The following MSH4 variants were observed in gnomAD, a reference collection of about 807,000 sequenced individuals.
The protein encoded by MSH4 is mutS homolog 4, also known as mutS protein homolog 4.
In MSH4, 106 loss-of-function variants were observed where a neutral mutation model predicts 113.7. That is an observed-to-expected ratio of 0.93 (90% CI 0.80 to 1.10). The LOEUF (loss-of-function observed/expected upper bound fraction) is 1.10, where lower values mean the gene tolerates loss of function less well. Ranked by LOEUF, MSH4 falls within the 50% of genes least tolerant of loss-of-function variation. MSH4 has a pLI of 0.00. For synonymous variants in MSH4, 368 were observed against 380.2 expected, an observed-to-expected ratio of 0.97 and a Z score of 0.37; for missense variants, 1,061 against 1,093.7, an observed-to-expected ratio of 0.97 and a Z score of 0.42.
intron 8 of MSH4, among the ~76,000 whole-genome samples, chr1:75,857,182 A>G (rs2100553021): frequency 6.6e-6 from 1 of 152,084 alleles, no homozygotes; most frequent in East Asian, 1.9e-4. Context: ...TAGATTCTGG[A>G]TGTTAGCCTT....
intron 17 of MSH4, among the ~76,000 whole-genome samples, chr1:75,897,356 C>T (rs562147180): frequency 2.6e-5 from 4 of 152,206 alleles, no homozygotes; most frequent in Admixed American, 2.6e-4. Flanking sequence ...AATCAGTGTT[C>T]TCAATCTTTC....
intron 8 of MSH4, among the ~76,000 whole-genome samples, chr1:75,852,706 T>C (rs987114524): frequency 6.6e-6 from 1 of 152,188 alleles, no homozygotes; most frequent in African/African-American, 2.4e-5. Flanking sequence ...CCATTTTAAA[T>C]TGGGTTGTTT....
intron 8 of MSH4, among the ~76,000 whole-genome samples, chr1:75,849,360 A>C (rs1199230786): frequency 6.6e-6 from 1 of 152,184 alleles, no homozygotes; most frequent in East Asian, 1.9e-4. Context: ...TCCATTTAAG[A>C]TGAACTGAAG....
chr1:75,840,878 A>G (rs1650945021), intron 7 of MSH4, among the ~76,000 whole-genome samples: 1 of 152,176 alleles, frequency 6.6e-6, no homozygotes, highest in South Asian at 2.1e-4. Flanking sequence ...GATACATGCA[A>G]TAACAATTGA....
chr1:75,864,618 A>C (rs1651523915), intron 8 of MSH4, among the ~76,000 whole-genome samples: 1 of 152,096 alleles, frequency 6.6e-6, no homozygotes, highest in Non-Finnish European at 1.5e-5. Context: ...ATGTATATTG[A>C]CCATTTGAAT....
intron 15 of MSH4, among the ~76,000 whole-genome samples, chr1:75,887,191 G>A (rs2100579889): frequency 6.6e-6 from 1 of 152,098 alleles, no homozygotes; most frequent in East Asian, 1.9e-4. Context: ...GATCATGGGG[G>A]GCGGTTTCCC....
intron 4 of MSH4, among the ~76,000 whole-genome samples, chr1:75,813,135 A>C (rs1310351655): frequency 6.6e-6 from 1 of 152,196 alleles, no homozygotes; most frequent in African/African-American, 2.4e-5. Flanking sequence ...CCAGAGGGAA[A>C]ATAATTTCTT....
At chr1:75,835,240 A>C (rs550659354) in intron 7 of MSH4, among the ~76,000 whole-genome samples, 2 of 152,328 alleles carry the variant, frequency 1.3e-5, no homozygotes, top group South Asian at 4.1e-4. Context: ...TAATTCCTTC[A>C]AAATTCTGGT....
intron 8 of MSH4, among the ~76,000 whole-genome samples, chr1:75,853,485 G>T (rs538142558): frequency 5.4e-4 from 82 of 152,222 alleles, no homozygotes; most frequent in African/African-American, 1.9e-3. Context: ...GTCTCATTAT[G>T]ATGATAAGTT....
chr1:75,862,373 G>A (rs1231034693), intron 8 of MSH4, among the ~76,000 whole-genome samples: 3 of 152,174 alleles, frequency 2.0e-5, no homozygotes, highest in African/African-American at 4.8e-5. Context: ...CGTCAATCTC[G>A]CTGGAAGCTG....
chr1:75,885,748 A>G (rs1652072418), intron 15 of MSH4, among the ~76,000 whole-genome samples: 1 of 108,558 alleles, frequency 9.2e-6, no homozygotes, highest in Non-Finnish European at 1.7e-5. Flanking sequence ...TAGTATATAT[A>G]ATGTATTATA....
chr1:75,811,127 C>T (rs570771636), intron 4 of MSH4, among the ~76,000 whole-genome samples: 5 of 152,262 alleles, frequency 3.3e-5, no homozygotes, highest in African/African-American at 1.2e-4. Context: ...CTGCCTTGGC[C>T]TCCCAAAGTG....
chr1:75,891,328 C>G (rs1443427912), intron 17 of MSH4, among the ~76,000 whole-genome samples: 2 of 152,026 alleles, frequency 1.3e-5, no homozygotes, highest in East Asian at 3.8e-4. Flanking sequence ...TGGTCACTCA[C>G]AATATATACA....
chr1:75,805,554 A>ATTT (rs5775309), intron 2 of MSH4, among the ~76,000 whole-genome samples: 1 of 149,252 alleles, frequency 6.7e-6, no homozygotes. Context: ...TGCTCAGCCA[A>ATTT]TTTTTTTTTT....
At chr1:75,866,160 A>G (rs962813656) in intron 8 of MSH4, among the ~76,000 whole-genome samples, 1 of 151,980 alleles carries the variant, frequency 6.6e-6, no homozygotes, top group Non-Finnish European at 1.5e-5. Context: ...TGTGTTAGCT[A>G]TTTTTGGAAT....
At chr1:75,902,556 G>A (rs553627225) in intron 19 of MSH4, among the ~76,000 whole-genome samples, 100 of 151,130 alleles carry the variant, frequency 6.6e-4, no homozygotes, top group Admixed American at 1.2e-3. Context: ...ATGGCTATTA[G>A]TATTCCATGG....
intron 17 of MSH4, among the ~76,000 whole-genome samples, chr1:75,895,275 G>A (rs1234814913): frequency 6.6e-6 from 1 of 152,140 alleles, no homozygotes; most frequent in Non-Finnish European, 1.5e-5. Flanking sequence ...GAAAGAATAT[G>A]TCTGCAATAC....
chr1:75,879,626 T>C (rs901660702), intron 12 of MSH4, among the ~76,000 whole-genome samples: 1 of 152,128 alleles, frequency 6.6e-6, no homozygotes, highest in Non-Finnish European at 1.5e-5. Context: ...AACAAACCAT[T>C]TAGCTTTCAG....
intron 14 of MSH4, 60 bp from the exon 15 acceptor site, chr1:75,883,561 A>G: frequency 1.5e-6 from 2 of 1,372,078 alleles, no homozygotes; most frequent in South Asian, 1.3e-5. Flanking sequence ...CATACACACT[A>G]CAAAATCTTT....
Sources: allele counts gnomAD v4.1 joint callset (sites outside exome capture counted in the v4.1 genomes callset), GRCh38; gene constraint gnomAD v4.1.1; transcripts MANE v1.5; gene names NCBI Gene and HGNC (gene_info 2026-07-23, HGNC 2026-07-21).